The following ERICH5 variants were observed in gnomAD, a reference collection of about 807,000 sequenced individuals.
ERICH5 encodes the protein glutamate rich 5.
In ERICH5, 24 loss-of-function variants were observed where a neutral mutation model predicts 28.0. The ratio of observed to expected loss-of-function variants is 0.86; its 90% CI spans 0.62 to 1.21. ERICH5 has a LOEUF of 1.21. ERICH5 is among the 50% of genes most tolerant of loss of function. The probability of loss-of-function intolerance (pLI) is 0.00; values close to 1 mark genes in which losing one functional copy is unlikely to be tolerated. For synonymous variants in ERICH5, 163 were observed against 157.6 expected, an observed-to-expected ratio of 1.03 and a Z score of -0.25; for missense variants, 421 against 441.2, an observed-to-expected ratio of 0.95 and a Z score of 0.41.
At chr8:98,066,832 T>C (rs998570960) in intron 1 of ERICH5, among the ~76,000 whole-genome samples, 21 of 152,230 alleles carry the variant, frequency 1.4e-4, no homozygotes, top group African/African-American at 4.1e-4. Flanking sequence ...AAATAATTCA[T>C]TCCTGTTTCT....
At chr8:98,074,426 CTTT>C (rs35893011) in intron 1 of ERICH5, among the ~76,000 whole-genome samples, 4 of 133,066 alleles carry the variant, frequency 3.0e-5, no homozygotes, top group Non-Finnish European at 6.3e-5. Flanking sequence ...TTTTAATTTA[CTTT>C]TTTTTTTTTT....
At chr8:98,086,950 CAA>C (rs35907854) in intron 1 of ERICH5, among the ~76,000 whole-genome samples, 10 of 86,200 alleles carry the variant, frequency 1.2e-4, no homozygotes, top group Non-Finnish European at 1.3e-4. Context: ...GACTCCGTCT[CAA>C]AAAAAAAAAA....
chr8:98,081,916 G>A (rs1370707655), intron 1 of ERICH5, among the ~76,000 whole-genome samples: 3 of 149,590 alleles, frequency 2.0e-5, no homozygotes, highest in African/African-American at 7.4e-5. Flanking sequence ...CAACAAGAAT[G>A]AAACTTCGTC....
chr8:98,092,952 T>C (rs554367115), intron 2 of ERICH5, among the ~76,000 whole-genome samples: 1 of 152,176 alleles, frequency 6.6e-6, no homozygotes, highest in Admixed American at 6.5e-5. Flanking sequence ...ATTTTTGTAT[T>C]TTTAGTAGAG....
chr8:98,093,301 G>A lies in ERICH5; in HGVS notation c.1093G>A (p.Gly365Arg). The A allele has an allele frequency of 6.2e-7, 1 of 1,613,912 alleles. No homozygotes were observed. The highest frequency in any genetic ancestry group is 8.5e-7 in the Non-Finnish European group (1 of 1,179,838). ...EGAETKEEET[G>R]EVVDLSAAT The stretch of plus-strand genomic sequence containing the variant: ...GGCTGAAACCAAAGAAGAAGAAACA[G>A]GAGAAGTGGTGGACCTTTCAGCAGC... The change falls in exon 3 of 3, where the codon GGA (glycine) becomes AGA (arginine). Residue 365 changes from glycine (G) to arginine (R), a missense_variant. Coordinates refer to ENST00000318528, the MANE Select transcript of ERICH5 (RefSeq NM_173549.3).
chr8:98,072,015 G>A (rs1342250756), intron 1 of ERICH5, among the ~76,000 whole-genome samples: 1 of 151,570 alleles, frequency 6.6e-6, no homozygotes, highest in East Asian at 1.9e-4. Context: ...GCCTCCCAAA[G>A]TGCTGGGATT....
chr8:98,082,731 C>T (rs1398636968), intron 1 of ERICH5, among the ~76,000 whole-genome samples: 48 of 151,634 alleles, frequency 3.2e-4, no homozygotes, highest in Admixed American at 3.2e-3. Flanking sequence ...CTTAGCCTGG[C>T]GTGGTGGCAC....
At position 98,089,432 on chromosome 8, in the gene ERICH5, G is replaced by C. The variant is rs756204132; in HGVS notation, c.415G>C (p.Glu139Gln). 6.2e-7 allele frequency: 1 copy of C among 1,614,260 alleles called. No individual in the cohort carries two copies. Among genetic ancestry groups the C allele is most frequent in the South Asian group, 1.1e-5 (1 of 91,086 alleles). ...GAAGAAAGATGCAGGAGCAGGGACA[G>C]AGGCCGAGTCTCTAAAAGGAAATGC... ...GKKKDAGAGT[E>Q]AESLKGNAEA... is the part of the protein sequence containing the mutation. Residue 139 changes from glutamate to glutamine, a missense_variant, in exon 2 of 3, where the codon GAG becomes CAG. Glu to Gln is a conservative substitution (Grantham distance 29). Coordinates refer to ENST00000318528, the MANE Select transcript of ERICH5 (RefSeq NM_173549.3).
In ERICH5 at chr8:98,079,316, G is replaced by A. The variant is rs1056001373; in HGVS notation, c.59-9760G>A. On this transcript the variant is annotated intron_variant, in intron 1 of 2. Coordinates refer to ENST00000318528, the MANE Select transcript of ERICH5 (RefSeq NM_173549.3). ...CTCCTGAGTAGCAGGGACTACAGGT[G>A]CATGCCACCATGCCCAGCTAATCCA... 4.0e-5 allele frequency among the ~76,000 whole-genome samples: 6 copies of A among 151,382 alleles called. No homozygotes were observed. The South Asian group carries it at 8.4e-4, about 21-fold the overall frequency.
chr8:98,064,734 A>G lies in ERICH5; in HGVS notation c.58+7A>G. The G allele has an allele frequency of 6.5e-7, 1 of 1,527,790 alleles. No individual in the cohort carries two copies. Among genetic ancestry groups the G allele is most frequent in the Middle Eastern group, 2.2e-4 (1 of 4,578 alleles). 94.6% of individuals were successfully genotyped at this position (1,527,790 alleles called of 1,614,324 possible). ...AGCAGCAGGTTCCCCAGCGGTGAGCAGGGTACCGGCGCCGCCCGCGCCCGG... is the reference window on the plus strand; with the variant it reads ...AGCAGCAGGTTCCCCAGCGGTGAGCGGGGTACCGGCGCCGCCCGCGCCCGG... On this transcript the variant is annotated splice_region_variant and intron_variant, in intron 1 of 2. Transcript: ENST00000318528.
At chr8:98,087,579 C>T (rs933603780) in intron 1 of ERICH5, among the ~76,000 whole-genome samples, 1 of 152,034 alleles carries the variant, frequency 6.6e-6, no homozygotes, top group Non-Finnish European at 1.5e-5. Flanking sequence ...CAGCTTTCCT[C>T]CCCCATCATT....
rs1390676879 is a variant in ERICH5, at chr8:98,089,092, T to C, written c.75T>C (p.His25=). 1 of 1,604,056 alleles carries C rather than the reference T, an allele frequency of 6.2e-7. No individual in the cohort carries two copies. The highest frequency in any genetic ancestry group is 8.5e-7 in the Non-Finnish European group (1 of 1,176,452). The change falls in exon 2 of 3, where the codon CAT becomes CAC. Residue 25 remains histidine (H), a synonymous_variant. Coordinates refer to ENST00000318528, the MANE Select transcript of ERICH5 (RefSeq NM_173549.3). ...SRFPSVTSNE[H]FSTAEESESC... Reference sequence around the variant, plus strand: ...TAACCAAAGTAACTTCAAATGAGCATTTTTCAACTGCAGAAGAAAGTGAGT... The same window carrying C: ...TAACCAAAGTAACTTCAAATGAGCACTTTTCAACTGCAGAAGAAAGTGAGT...
intron 2 of ERICH5, among the ~76,000 whole-genome samples, chr8:98,092,043 A>G (rs538127490): frequency 6.0e-5 from 2 of 33,118 alleles, no homozygotes; most frequent in Middle Eastern, 0.018. Flanking sequence ...AAGATCTTCA[A>G]GCTGGAGTGC....
intron 1 of ERICH5, among the ~76,000 whole-genome samples, chr8:98,079,153 CTTTTTTTTTTTCCTTTTTT>C (rs566746944): frequency 0.13 from 16,571 of 132,408 alleles, 976 homozygotes; most frequent in South Asian, 0.13. Flanking sequence ...ACATTTTCCT[CTTTTTTTTTTTCCTTTTTT>C]TTTTTTTTTT....
intron 1 of ERICH5, among the ~76,000 whole-genome samples, chr8:98,076,976 A>G (rs1242423345): frequency 6.6e-6 from 1 of 152,174 alleles, no homozygotes; most frequent in East Asian, 1.9e-4. Context: ...TAAAGATGCT[A>G]TAATGGCCGG....
intron 2 of ERICH5, among the ~76,000 whole-genome samples, chr8:98,091,892 CTTTCT>C (rs1478591867): frequency 8.3e-4 from 44 of 52,846 alleles, no homozygotes; most frequent in African/African-American, 2.7e-3. Context: ...TTCTTTCTTT[CTTTCT>C]TTCCTTTCTT....
intron 2 of ERICH5, among the ~76,000 whole-genome samples, chr8:98,090,325 A>C (rs1237823823): frequency 6.6e-6 from 1 of 152,248 alleles, no homozygotes; most frequent in Non-Finnish European, 1.5e-5. Flanking sequence ...CCAAGTTGAC[A>C]CTTCATCAGG....
chr8:98,076,692 G>C (rs568528484), intron 1 of ERICH5, among the ~76,000 whole-genome samples: 1 of 152,200 alleles, frequency 6.6e-6, no homozygotes, highest in African/African-American at 2.4e-5. Context: ...ATCTAGTTCA[G>C]TCTCTCCAAG....
At chr8:98,074,457 T>A (rs1392418568) in intron 1 of ERICH5, among the ~76,000 whole-genome samples, 1 of 147,158 alleles carries the variant, frequency 6.8e-6, no homozygotes, top group Non-Finnish European at 1.5e-5. Context: ...AGGGTCTCAC[T>A]CTGTCACCCA....
Sources: allele counts gnomAD v4.1 joint callset (sites outside exome capture counted in the v4.1 genomes callset), GRCh38; gene constraint gnomAD v4.1.1; transcripts MANE v1.5; gene names NCBI Gene and HGNC (gene_info 2026-07-23, HGNC 2026-07-21).